CNIH3: variants seen among roughly 807,000 people sequenced by gnomAD.
CNIH3 encodes the protein cornichon family AMPA receptor auxiliary protein 3.
CNIH3 carries 14 observed loss-of-function variants against 24.1 expected under a neutral mutation model. The observed-to-expected ratio is 0.58, with a 90% CI of 0.38 to 0.91. The LOEUF is 0.91. CNIH3 is among the 40% of genes least tolerant of loss of function. The pLI is 0.00. For synonymous variants in CNIH3, 68 were observed against 73.8 expected, an observed-to-expected ratio of 0.92 and a Z score of 0.40; for missense variants, 178 against 196.8, an observed-to-expected ratio of 0.90 and a Z score of 0.57.
chr1:224,569,709 G>T (rs1172873737), intron 4 of CNIH3, among the ~76,000 whole-genome samples: 1 of 151,990 alleles, frequency 6.6e-6, no homozygotes, highest in Non-Finnish European at 1.5e-5. Context: ...TCAAACTTTT[G>T]CCAGTCTGGT....
chr1:224,519,107 T>C (rs1678515302), intron 1 of CNIH3, among the ~76,000 whole-genome samples: 1 of 152,236 alleles, frequency 6.6e-6, no homozygotes, highest in Non-Finnish European at 1.5e-5. Flanking sequence ...ACTTAATAAA[T>C]GGCAGTTACT....
intron 3 of CNIH3, among the ~76,000 whole-genome samples, chr1:224,601,859 G>A (rs965653606): frequency 6.6e-6 from 1 of 152,218 alleles, no homozygotes; most frequent in Non-Finnish European, 1.5e-5. Context: ...ATCATCCAGT[G>A]GTGATTGAAT....
chr1:224,669,216 G>C (rs1291386303), intron 1 of CNIH3, among the ~76,000 whole-genome samples: 2 of 152,160 alleles, frequency 1.3e-5, no homozygotes, highest in African/African-American at 2.4e-5. Flanking sequence ...GAGTTGCACA[G>C]CTCTGGGGTG....
chr1:224,482,326 C>A (rs954886358), intron 1 of CNIH3, among the ~76,000 whole-genome samples: 1 of 152,038 alleles, frequency 6.6e-6, no homozygotes, highest in African/African-American at 2.4e-5. Context: ...TCGTAGCGAC[C>A]ACAGCTGTGA....
At chr1:224,722,502 G>A (rs952229574) in intron 3 of CNIH3, among the ~76,000 whole-genome samples, 2 of 152,162 alleles carry the variant, frequency 1.3e-5, no homozygotes, top group African/African-American at 4.8e-5. Context: ...GATTCGGTAG[G>A]TCTGGGATGG....
At chr1:224,738,103 C>G (rs142034852) in intron 5 of CNIH3, among the ~76,000 whole-genome samples, 119 of 152,344 alleles carry the variant, frequency 7.8e-4, no homozygotes, top group Non-Finnish European at 1.4e-3. Context: ...GTTTCATTCA[C>G]CTCTGCGTCT....
Position 224,574,629 on chromosome 1 carries a change from C to T in CNIH3, n.516+8365C>T, listed in dbSNP as rs1321248878. 6 of 862,210 alleles carry T rather than the reference C, an allele frequency of 7.0e-6. No homozygotes were observed. The Admixed American group carries it at 1.0e-4, about 15-fold the overall frequency. 53.4% of individuals were successfully genotyped at this position (862,210 alleles called of 1,614,324 possible). A position where few individuals can be genotyped will look rare whatever the true frequency, so the allele number is the denominator to read the frequency against. On this transcript the variant is annotated intron_variant and non_coding_transcript_variant, in intron 4 of 5. Coordinates refer to the CNIH3 transcript ENST00000471578. ...GGCCATTCGGGAGAAGCTCAGGGAGCAGGTGGTGAAGTGTGAGGAGCTCTT... is the reference window on the plus strand; with the variant it reads ...GGCCATTCGGGAGAAGCTCAGGGAGTAGGTGGTGAAGTGTGAGGAGCTCTT...
At chr1:224,619,860 G>A (rs1683198012) in intron 1 of CNIH3, among the ~76,000 whole-genome samples, 2 of 152,210 alleles carry the variant, frequency 1.3e-5, no homozygotes, top group African/African-American at 4.8e-5. Context: ...TGTAAGATAT[G>A]AAGATGGCGT....
chr1:224,681,119 G>A (rs188231449), intron 2 of CNIH3, 93 bp downstream of exon 2: 32 of 1,059,878 alleles, frequency 3.0e-5, no homozygotes, highest in African/African-American at 1.1e-4. Flanking sequence ...ATTTGAATGC[G>A]TAAAGAACAT....
At chr1:224,634,861 C>T (rs1684010455) in intron 1 of CNIH3, among the ~76,000 whole-genome samples, 1 of 152,170 alleles carries the variant, frequency 6.6e-6, no homozygotes, top group South Asian at 2.1e-4. Context: ...CTTAATATGC[C>T]CCGCTGCATC....
chr1:224,545,802 A>G (rs765412787), intron 2 of CNIH3, among the ~76,000 whole-genome samples: 4 of 152,218 alleles, frequency 2.6e-5, no homozygotes, highest in Non-Finnish European at 5.9e-5. Context: ...AACATTAAAA[A>G]TTACTATGTG....
chr1:224,629,631 C>G (rs1229638860), intron 1 of CNIH3, among the ~76,000 whole-genome samples: 1 of 152,048 alleles, frequency 6.6e-6, no homozygotes, highest in Non-Finnish European at 1.5e-5. Flanking sequence ...GGGCTTGAGT[C>G]CCTGCCTCTA....
chr1:224,462,467 G>C (rs947717185), intron 1 of CNIH3, among the ~76,000 whole-genome samples: 10 of 152,030 alleles, frequency 6.6e-5, no homozygotes, highest in Non-Finnish European at 1.3e-4. Context: ...CTGAGTAGCT[G>C]GGATTACAGG....
chr1:224,533,387 CAAAA>C (rs146941595), intron 2 of CNIH3, among the ~76,000 whole-genome samples: 7 of 103,380 alleles, frequency 6.8e-5, no homozygotes, highest in African/African-American at 1.9e-4. Flanking sequence ...GAACCCGTCT[CAAAA>C]AAAAAAAAAA....
At chr1:224,657,685 C>T (rs1056479204) in intron 1 of CNIH3, among the ~76,000 whole-genome samples, 19 of 152,290 alleles carry the variant, frequency 1.2e-4, no homozygotes, top group Admixed American at 7.2e-4. Flanking sequence ...GAGTCCTGGA[C>T]GTTTCCTCTC....
At position 224,564,043 on chromosome 1, in the gene CNIH3, A is replaced by G. The variant is rs185269658; in HGVS notation, n.451-2156A>G. Among the ~76,000 whole-genome samples, 20 of 152,290 alleles carry G rather than the reference A, an allele frequency of 1.3e-4. No individual in the cohort carries two copies. The East Asian group carries it at 3.9e-3, about 29-fold the overall frequency. On this transcript the variant is annotated intron_variant and non_coding_transcript_variant, in intron 3 of 5. Coordinates refer to the CNIH3 transcript ENST00000471578. ...AGGAATAGGTCCCCACTTTGAAAAGACCCATGTGATGAGAGTCACACTTAT... is the reference window on the plus strand; with the variant it reads ...AGGAATAGGTCCCCACTTTGAAAAGGCCCATGTGATGAGAGTCACACTTAT...
At chr1:224,732,311 T>C (rs1056619393) in intron 4 of CNIH3, among the ~76,000 whole-genome samples, 2 of 152,098 alleles carry the variant, frequency 1.3e-5, no homozygotes, top group Non-Finnish European at 1.5e-5. Context: ...GATGGTGCCA[T>C]TGACCAGGGC....
chr1:224,541,016 G>C (rs1679491965), downstream of CNIH3, among the ~76,000 whole-genome samples: 1 of 152,130 alleles, frequency 6.6e-6, no homozygotes. Flanking sequence ...GCCCACTAAA[G>C]TCATTCATAC....
chr1:224,684,976 G>T lies in CNIH3; in HGVS notation c.198+133G>T, dbSNP rs569910888. ...GAGGCAAATGGTGGCAGGGAAAGGGGGAGGTGGGAGCAAGTGATCAGTTCT... is the reference window on the plus strand; with the variant it reads ...GAGGCAAATGGTGGCAGGGAAAGGGTGAGGTGGGAGCAAGTGATCAGTTCT... On this transcript the variant is annotated intron_variant, in intron 3 of 5. Transcript: ENST00000272133. This position sits in a 1 kb window ranked among gnomAD's most constrained non-coding sequence, Gnocchi z 4.2. 13 of 835,784 alleles carry T rather than the reference G, an allele frequency of 1.6e-5. No homozygotes were observed. In the South Asian group the frequency reaches 1.8e-4, roughly 12 times the overall value. 51.8% of individuals were successfully genotyped at this position (835,784 alleles called of 1,614,324 possible).
Sources: gnomAD v4.1 joint callset for allele counts (sites outside exome capture counted in the v4.1 genomes callset) on GRCh38, gnomAD v4.1.1 for gene constraint, Gnocchi (gnomAD v3.1) non-coding constraint, MANE v1.5 for transcripts, NCBI Gene and HGNC (gene_info 2026-07-23, HGNC 2026-07-21) for gene names.